Variants in MDGA2 observed in about 807,000 individuals in gnomAD.
The protein encoded by MDGA2 is MAM domain-containing glycosylphosphatidylinositol anchor protein 2.
In MDGA2, 40 loss-of-function variants were observed where a neutral mutation model predicts 117.8. That is an observed-to-expected ratio of 0.34 (90% CI 0.26 to 0.44). The LOEUF (loss-of-function observed/expected upper bound fraction) is 0.44, where lower values mean the gene tolerates loss of function less well. Among genes scored for constraint, MDGA2 ranks in the 20% least tolerant of loss-of-function variants. The pLI is 1.00. For synonymous variants in MDGA2, 452 were observed against 439.0 expected, an observed-to-expected ratio of 1.03 and a Z score of -0.37; for missense variants, 1,123 against 1,250.6, an observed-to-expected ratio of 0.90 and a Z score of 1.54.
chr14:47,450,527 A>C (rs1893220019), intron 1 of MDGA2, among the ~76,000 whole-genome samples: 1 of 152,106 alleles, frequency 6.6e-6, no homozygotes, highest in African/African-American at 2.4e-5. Flanking sequence ...ATGAAATGTA[A>C]GGATAAAATT....
chr14:46,865,612 C>T (rs1375503279), intron 14 of MDGA2, among the ~76,000 whole-genome samples: 4 of 152,000 alleles, frequency 2.6e-5, no homozygotes, highest in African/African-American at 9.7e-5. Context: ...TCCCTGTTTG[C>T]AGACGACATG....
intron 1 of MDGA2, among the ~76,000 whole-genome samples, chr14:47,332,086 T>C (rs1370268822): frequency 2.0e-5 from 3 of 152,038 alleles, no homozygotes; most frequent in Admixed American, 6.6e-5. Flanking sequence ...AATAATAATA[T>C]TGAGTTTTAC....
intron 8 of MDGA2, among the ~76,000 whole-genome samples, chr14:46,966,276 C>T (rs1040884895): frequency 8.5e-5 from 13 of 152,144 alleles, no homozygotes; most frequent in African/African-American, 3.1e-4. Context: ...ACAAGGCAAT[C>T]TGATTTCAGA....
chr14:46,960,968 ACAT>A, intron 8 of MDGA2, among the ~76,000 whole-genome samples: 1 of 150,896 alleles, frequency 6.6e-6, no homozygotes, highest in South Asian at 2.1e-4. Context: ...ACACACACAC[ACAT>A]AAAACATTAA....
chr14:46,845,348 T>C (rs1381613895), intron 16 of MDGA2, among the ~76,000 whole-genome samples: 1 of 152,198 alleles, frequency 6.6e-6, no homozygotes, highest in Non-Finnish European at 1.5e-5. Context: ...CTTTCTTTTA[T>C]AAATTACCCA....
intron 1 of MDGA2, among the ~76,000 whole-genome samples, chr14:47,496,907 T>A (rs987765414): frequency 6.6e-6 from 1 of 151,962 alleles, no homozygotes; most frequent in African/African-American, 2.4e-5. Flanking sequence ...GGTTTGGGGA[T>A]GAAACTGTTC....
At chr14:47,622,165 T>C (rs906168754) in intron 1 of MDGA2, among the ~76,000 whole-genome samples, 1 of 152,148 alleles carries the variant, frequency 6.6e-6, no homozygotes, top group Non-Finnish European at 1.5e-5. Context: ...TAAATACATA[T>C]TGCATTAAGT....
chr14:47,347,251 G>T (rs1273330203), intron 1 of MDGA2, among the ~76,000 whole-genome samples: 1 of 152,154 alleles, frequency 6.6e-6, no homozygotes, highest in Non-Finnish European at 1.5e-5. Flanking sequence ...ACACGTAACG[G>T]TTTCAATAGG....
chr14:46,880,372 A>G (rs1475978737), intron 11 of MDGA2, among the ~76,000 whole-genome samples: 1 of 152,104 alleles, frequency 6.6e-6, no homozygotes, highest in Non-Finnish European at 1.5e-5. Flanking sequence ...GCAATACAAT[A>G]AATATGAACT....
At chr14:47,671,541 T>C (rs566582847) in intron 1 of MDGA2, among the ~76,000 whole-genome samples, 1 of 152,314 alleles carries the variant, frequency 6.6e-6, no homozygotes, top group South Asian at 2.1e-4. Flanking sequence ...TTTGCCTGAG[T>C]AACCTAGAAA....
chr14:47,129,310 C>G (rs1158232994), intron 5 of MDGA2, among the ~76,000 whole-genome samples: 1 of 148,366 alleles, frequency 6.7e-6, no homozygotes, highest in Admixed American at 6.9e-5. Context: ...TCTCATTGTT[C>G]AATTCCCACC....
At chr14:47,668,751 C>T (rs1386543343) in intron 1 of MDGA2, among the ~76,000 whole-genome samples, 1 of 152,100 alleles carries the variant, frequency 6.6e-6, no homozygotes, top group Non-Finnish European at 1.5e-5. Context: ...CATGTCCTTC[C>T]AAAATAGCCA....
intron 1 of MDGA2, among the ~76,000 whole-genome samples, chr14:47,338,876 A>T (rs756179622): frequency 6.6e-6 from 1 of 152,154 alleles, no homozygotes; most frequent in Admixed American, 6.6e-5. Flanking sequence ...GTTAAGCAAC[A>T]TTAAGGATAC....
chr14:47,598,988 T>C (rs1376188668), intron 1 of MDGA2, among the ~76,000 whole-genome samples: 1 of 152,032 alleles, frequency 6.6e-6, no homozygotes, highest in African/African-American at 2.4e-5. Context: ...CAATACCTAG[T>C]GAATATATAC....
chr14:47,439,504 T>C (rs1892960174), intron 1 of MDGA2, among the ~76,000 whole-genome samples: 1 of 152,170 alleles, frequency 6.6e-6, no homozygotes, highest in South Asian at 2.1e-4. Context: ...TTCTCCATTG[T>C]CAGTGGTCCT....
intron 1 of MDGA2, among the ~76,000 whole-genome samples, chr14:47,586,103 T>C (rs950537955): frequency 1.8e-4 from 27 of 152,058 alleles, no homozygotes; most frequent in African/African-American, 6.0e-4. Flanking sequence ...TATTTTATTC[T>C]TCTCAATAAT....
chr14:47,526,382 C>T (rs1163231595), intron 1 of MDGA2, among the ~76,000 whole-genome samples: 1 of 152,092 alleles, frequency 6.6e-6, no homozygotes, highest in Non-Finnish European at 1.5e-5. Context: ...CTGATATCTT[C>T]AGTTAAGTGT....
At chr14:46,940,230 G>T (rs184764627) in intron 9 of MDGA2, among the ~76,000 whole-genome samples, 1 of 152,220 alleles carries the variant, frequency 6.6e-6, no homozygotes, top group African/African-American at 2.4e-5. Flanking sequence ...TCTAGAATAA[G>T]AACTACAAGT....
chr14:47,055,488 C>A (rs1889642436), intron 7 of MDGA2, among the ~76,000 whole-genome samples: 1 of 151,922 alleles, frequency 6.6e-6, no homozygotes, highest in African/African-American at 2.4e-5. Flanking sequence ...TGTGTGCTCC[C>A]CTATAACTTC....
Sources: allele counts gnomAD v4.1 joint callset (sites outside exome capture counted in the v4.1 genomes callset), GRCh38; gene constraint gnomAD v4.1.1; transcripts MANE v1.5; gene names NCBI Gene and HGNC (gene_info 2026-07-23, HGNC 2026-07-21).